C1RL: variants seen among roughly 807,000 people sequenced by gnomAD.
C1RL encodes the protein complement C1r subcomponent-like protein.
A neutral mutation model predicts 27.9 loss-of-function variants in C1RL; 27 were observed. The observed-to-expected ratio is 0.97, with a 90% CI of 0.71 to 1.33. C1RL has a LOEUF of 1.33. C1RL is among the 40% of genes most tolerant of loss of function. C1RL has a pLI of 0.00. For synonymous variants in C1RL, 248 were observed against 252.1 expected (o/e 0.98, Z 0.15); for missense variants, 563 against 623.9 (o/e 0.90, Z 1.04).
intron 2 of C1RL, among the ~76,000 whole-genome samples, chr12:7,107,151 T>G (rs988589721): frequency 6.6e-6 from 1 of 151,968 alleles, no homozygotes; most frequent in African/African-American, 2.4e-5. Flanking sequence ...ACTGCTGTTA[T>G]TCATAAACCT....
chr12:7,107,464 C>T (rs1253588209), intron 2 of C1RL, among the ~76,000 whole-genome samples: 1 of 151,866 alleles, frequency 6.6e-6, no homozygotes, highest in Non-Finnish European at 1.5e-5. Flanking sequence ...GCTACTGCGC[C>T]CAGCCTTAGA....
chr12:7,101,577 A>G (rs1938626262), intron 3 of C1RL: 1 of 450,156 alleles, frequency 2.2e-6, no homozygotes, highest in African/African-American at 1.9e-5. Flanking sequence ...GCCAGTATTT[A>G]TCTTTCAAAA....
chr12:7,104,021 C>G lies in C1RL; in HGVS notation c.301-1934G>C, dbSNP rs916347626. Among the ~76,000 whole-genome samples the G allele has an allele frequency of 6.6e-6, 1 of 152,068 alleles. No individual in the cohort carries two copies. The highest frequency in any genetic ancestry group is 6.5e-5 in the Admixed American group (1 of 15,270). On this transcript the variant is annotated intron_variant, in intron 2 of 5. Transcript: ENST00000266542. The surrounding 1 kb of genome is among the most constrained non-coding windows in gnomAD (Gnocchi z 5.4). The stretch of plus-strand genomic sequence containing the variant: ...CAAAGGGATAAAATGGTACACATAA[C>G]CAAGGACAAAAAAGGGAGAGAAGAT...
intron 3 of C1RL, chr12:7,101,672 C>A (rs1938628495): frequency 3.7e-6 from 2 of 544,732 alleles, no homozygotes; most frequent in Non-Finnish European, 3.3e-6. Context: ...AGATGATCTG[C>A]AAACACTGGG....
intron 3 of C1RL, among the ~76,000 whole-genome samples, chr12:7,100,963 A>G (rs1014789359): frequency 6.6e-6 from 1 of 152,080 alleles, no homozygotes; most frequent in African/African-American, 2.4e-5. Context: ...AATGGAGAAC[A>G]CAGTTGTTTC....
At chr12:7,109,065 CCCCTCCCGTCCTCTT>C in intron 1 of C1RL, 30 bp downstream of exon 1, 1 of 1,448,604 alleles carries the variant, frequency 6.9e-7, no homozygotes, top group Non-Finnish European at 9.5e-7. Context: ...CCTTTCTCTT[CCCCTCCCGTCCTCTT>C]CCCTCCTCCT....
At position 7,094,568 on chromosome 12, in the gene C1RL, TA is replaced by T. The variant is rs1308076290; in HGVS notation, c.*1822del. ...ACACATATAAATATAGGTATATATA[TA>T]TTTTTTTGCCTTGGCAGGGAGAAAC... On this transcript the variant is annotated 3_prime_UTR_variant, in exon 6 of 6. Transcript: ENST00000266542. 4 of 653,756 alleles carry T rather than the reference TA, an allele frequency of 6.1e-6. No individual in the cohort carries two copies. The highest frequency in any genetic ancestry group is 7.5e-5 in the South Asian group (1 of 13,256). 40.5% of individuals were successfully genotyped at this position (653,756 alleles called of 1,614,324 possible).
At chr12:7,101,099 C>CTCCCTCCTTCCTTCTT (rs1938606593) in intron 3 of C1RL, among the ~76,000 whole-genome samples, 3 of 27,978 alleles carry the variant, frequency 1.1e-4, no homozygotes, top group Non-Finnish European at 2.2e-4. Flanking sequence ...CCCTCCTTCC[C>CTCCCTCCTTCCTTCTT]TCCTTCCTTC....
In C1RL at chr12:7,095,103, T is replaced by G. The variant is rs1349993225; in HGVS notation, c.*1288A>C. On this transcript the variant is annotated 3_prime_UTR_variant, in exon 6 of 6. Transcript: ENST00000266542. Reference sequence around the variant, plus strand: ...GTTGTATTTTATTTGTGTCTTTCACTGTAAATCACCTCCAATCTTTTTTTT... The same window carrying G: ...GTTGTATTTTATTTGTGTCTTTCACGGTAAATCACCTCCAATCTTTTTTTT... 4 of 1,230,518 alleles carry G rather than the reference T, an allele frequency of 3.3e-6. No individual in the cohort carries two copies. The highest frequency in any genetic ancestry group is 4.1e-6 in the Non-Finnish European group (4 of 967,190). The allele number at this position is 1,230,518 out of a possible 1,614,324, so 76.2% of individuals were successfully genotyped here.
chr12:7,102,199 G>T, intron 2 of C1RL, 112 bp from the exon 3 acceptor site: 1 of 1,115,976 alleles, frequency 9.0e-7, no homozygotes, highest in Non-Finnish European at 1.3e-6. Context: ...GACGGGCCGT[G>T]CCCCTCTGGG....
intron 2 of C1RL, 67 bp downstream of exon 2, chr12:7,108,184 A>G: frequency 7.7e-7 from 1 of 1,304,012 alleles, no homozygotes; most frequent in Non-Finnish European, 1.0e-6. Flanking sequence ...GGGCACCGCC[A>G]CTTCCCACAA....
rs781294369 is a variant in C1RL at position 7,108,493 on chromosome 12, G to C, written c.72-14C>G. 6.4e-7 allele frequency: 1 copy of C among 1,568,112 alleles called. No homozygotes were observed. The highest frequency in any genetic ancestry group is 8.7e-7 in the Non-Finnish European group (1 of 1,153,022). On this transcript the variant is annotated splice_polypyrimidine_tract_variant and intron_variant, in intron 1 of 5. Coordinates refer to ENST00000266542, the MANE Select transcript of C1RL (RefSeq NM_016546.4). ...AGCAGCCACCACCTGTGAGTTGGGG[G>C]GAGGGCAAGGTGGGGCCGCGCAGCT...
chr12:7,095,039 C>T lies in C1RL; in HGVS notation c.*1352G>A. On this transcript the variant is annotated 3_prime_UTR_variant, in exon 6 of 6. Coordinates refer to ENST00000266542, the MANE Select transcript of C1RL (RefSeq NM_016546.4). ...TTGATGCTAACAAATTACCTCTCTT[C>T]TCTCTTTTATGGTGTTTATTTTCTA... The T allele has an allele frequency of 2.6e-6, 3 of 1,141,144 alleles. No homozygotes were observed. The highest frequency in any genetic ancestry group is 3.4e-5 in the South Asian group (2 of 59,048). 70.7% of individuals were successfully genotyped at this position (1,141,144 alleles called of 1,614,324 possible).
In C1RL at chr12:7,104,278, C is replaced by G. The variant is rs1938701702; in HGVS notation, c.301-2191G>C. Among the ~76,000 whole-genome samples, 2 of 152,130 alleles carry G rather than the reference C, an allele frequency of 1.3e-5. No individual in the cohort carries two copies. The highest frequency in any genetic ancestry group is 4.1e-4 in the South Asian group (2 of 4,824). On this transcript the variant is annotated intron_variant, in intron 2 of 5. Coordinates refer to ENST00000266542, the MANE Select transcript of C1RL (RefSeq NM_016546.4). The surrounding 1 kb of genome is among the most constrained non-coding windows in gnomAD (Gnocchi z 5.4). The stretch of plus-strand genomic sequence containing the variant: ...GCAGAATCCTAGAATCTCTGTGCAC[C>G]CAGGCAACTCCCTCTGGCCCACCCT...
chr12:7,108,989 G>GTGTGTGTGTGTGTGTGTGT (rs753757831), intron 1 of C1RL, 121 bp downstream of exon 1: 4 of 70,196 alleles, frequency 5.7e-5, no homozygotes, highest in Non-Finnish European at 1.0e-4. Flanking sequence ...GTGTGTGTGT[G>GTGTGTGTGTGTGTGTGTGT]GGGGGGGGGG....
rs1938816898 is a variant in C1RL at position 7,108,186 on chromosome 12, T to G, written c.300+65A>C. The stretch of plus-strand genomic sequence containing the variant: ...GATGGGGGATTCAGGGCACCGCCAC[T>G]TCCCACAACCCCGGGAATCTCCCTG... On this transcript the variant is annotated intron_variant, in intron 2 of 5. Transcript: ENST00000266542. 3 of 1,340,212 alleles carry G rather than the reference T, an allele frequency of 2.2e-6. No individual in the cohort carries two copies. In the South Asian group the frequency reaches 4.4e-5, roughly 20 times the overall value. 83.0% of individuals were successfully genotyped at this position (1,340,212 alleles called of 1,614,324 possible).
At chr12:7,108,986 T>G (rs1369702715) in intron 1 of C1RL, 124 bp downstream of exon 1, 43 of 122,648 alleles carry the variant, frequency 3.5e-4, no homozygotes, top group South Asian at 7.2e-4. Flanking sequence ...TGTGTGTGTG[T>G]GTGGGGGGGG....
intron 1 of C1RL, 84 bp from the exon 2 acceptor site, chr12:7,108,563 T>C: frequency 1.7e-6 from 2 of 1,161,970 alleles, no homozygotes; most frequent in East Asian, 2.5e-5. Context: ...GGAGCCGCGC[T>C]AGGACTCAGA....
Position 7,095,120 on chromosome 12 carries a change from C to T in C1RL, c.*1271G>A. 2.8e-6 allele frequency: 3 copies of T among 1,072,064 alleles called. No individual in the cohort carries two copies. Among genetic ancestry groups the T allele is most frequent in the South Asian group, 1.7e-5 (1 of 59,608 alleles). 66.4% of individuals were successfully genotyped at this position (1,072,064 alleles called of 1,614,324 possible). On this transcript the variant is annotated 3_prime_UTR_variant, in exon 6 of 6. Transcript: ENST00000266542. Reference sequence around the variant, plus strand: ...TCTTTCACTGTAAATCACCTCCAATCTTTTTTTTTTGGGGGGGATGAAGTC... The same window carrying T: ...TCTTTCACTGTAAATCACCTCCAATTTTTTTTTTTTGGGGGGGATGAAGTC...
Sources: gnomAD v4.1 joint callset for allele counts (sites outside exome capture counted in the v4.1 genomes callset) on GRCh38, gnomAD v4.1.1 for gene constraint, Gnocchi (gnomAD v3.1) non-coding constraint, MANE v1.5 for transcripts, NCBI Gene and HGNC (gene_info 2026-07-23, HGNC 2026-07-21) for gene names.